TIAM2: variants seen among roughly 807,000 people sequenced by gnomAD.
TIAM2 encodes the protein TIAM Rac1 associated GEF 2.
Under a neutral mutation model 152.9 loss-of-function variants are expected in TIAM2, and 80 were observed. The ratio of observed to expected loss-of-function variants is 0.52; its 90% CI spans 0.44 to 0.63. The LOEUF is 0.63. TIAM2 is among the 30% of genes least tolerant of loss of function. The probability of loss-of-function intolerance (pLI) is 0.00; values close to 1 mark genes in which losing one functional copy is unlikely to be tolerated. For synonymous variants in TIAM2, 804 were observed against 838.0 expected (o/e 0.96, Z 0.70); for missense variants, 1,965 against 2,120.1 (o/e 0.93, Z 1.44).
Position 155,179,361 on chromosome 6 carries a change from G to T in TIAM2, c.2629-17G>T. ...TAACATGAGATCCTCTGATTTTGTT[G>T]TTTTCACCTTTTGCAGGTTTATGAT... is the stretch of plus-strand genomic sequence containing the variant. On this transcript the variant is annotated splice_polypyrimidine_tract_variant and intron_variant, in intron 11 of 26. Transcript: ENST00000682666. 2 of 1,612,748 alleles carry T rather than the reference G, an allele frequency of 1.2e-6. No individual in the cohort carries two copies. Among genetic ancestry groups the T allele is most frequent in the Non-Finnish European group, 1.7e-6 (2 of 1,179,414 alleles).
intron 1 of TIAM2, among the ~76,000 whole-genome samples, chr6:155,035,226 AT>A (rs34425957): frequency 0.58 from 79,897 of 136,822 alleles, 22,875 homozygotes; most frequent in East Asian, 0.73. Context: ...GTATCGTCCT[AT>A]TTTTTTTTTT....
At chr6:155,240,493 GC>G (rs762691634) in intron 15 of TIAM2, 36 bp from the exon 16 acceptor site, 4 of 1,572,672 alleles carry the variant, frequency 2.5e-6, no homozygotes, top group South Asian at 1.2e-5. Flanking sequence ...TCAGGGAGAG[GC>G]CCGTGCATTA....
At chr6:155,189,205 C>G (rs1781127646) in intron 14 of TIAM2, among the ~76,000 whole-genome samples, 2 of 152,146 alleles carry the variant, frequency 1.3e-5, no homozygotes, top group African/African-American at 4.8e-5. Context: ...ATTTTGGCTT[C>G]CATAGCCTGT....
At position 155,141,022 on chromosome 6, in the gene TIAM2, C is replaced by T. The variant is rs889749011; in HGVS notation, c.1630+3410C>T. Among the ~76,000 whole-genome samples the T allele has an allele frequency of 7.2e-5, 11 of 152,130 alleles. 1 individual carries two copies. Among genetic ancestry groups the T allele is most frequent in the Admixed American group, 2.6e-4 (4 of 15,276 alleles). ...CTGTATTTTATCCCAAAAGGTAGAC[C>T]AGGAACTTCTGGCTACCAACTTCAG... On this transcript the variant is annotated intron_variant, in intron 5 of 26. Transcript: ENST00000682666.
intron 14 of TIAM2, 118 bp downstream of exon 14, chr6:155,183,618 T>A: frequency 3.2e-6 from 4 of 1,256,714 alleles, no homozygotes; most frequent in Non-Finnish European, 4.3e-6. Flanking sequence ...TTTTCTAATT[T>A]ATTAGAAGAA....
chr6:155,149,688 C>T (rs537151916), intron 7 of TIAM2, among the ~76,000 whole-genome samples: 9 of 152,070 alleles, frequency 5.9e-5, no homozygotes, highest in East Asian at 3.9e-4. Flanking sequence ...TTTGGGAGGC[C>T]GAGGTGGGCA....
intron 1 of TIAM2, among the ~76,000 whole-genome samples, chr6:155,016,966 C>T (rs1453344057): frequency 2.0e-5 from 3 of 152,158 alleles, no homozygotes; most frequent in Non-Finnish European, 4.4e-5. Flanking sequence ...ATCACCTGAG[C>T]ATGAAGGGGC....
At chr6:155,115,080 G>A (rs938704957) in intron 2 of TIAM2, among the ~76,000 whole-genome samples, 1 of 150,756 alleles carries the variant, frequency 6.6e-6, no homozygotes, top group Non-Finnish European at 1.5e-5. Context: ...CACCTGCCTC[G>A]GACTCCCAAA....
intron 7 of TIAM2, among the ~76,000 whole-genome samples, chr6:155,163,251 AG>A (rs1780322567): frequency 1.3e-5 from 2 of 152,214 alleles, no homozygotes; most frequent in Non-Finnish European, 2.9e-5. Flanking sequence ...GTTCACTTAC[AG>A]ACCTTCTCTT....
intron 2 of TIAM2, among the ~76,000 whole-genome samples, chr6:155,099,220 ATGTGTG>A (rs34269926): frequency 0.18 from 26,713 of 147,878 alleles, 2,910 homozygotes; most frequent in South Asian, 0.42. Context: ...GTATATATAT[ATGTGTG>A]TGTGTGTGTG....
At chr6:155,133,294 C>G (rs1386159147) in intron 4 of TIAM2, among the ~76,000 whole-genome samples, 2 of 152,176 alleles carry the variant, frequency 1.3e-5, no homozygotes, top group Admixed American at 1.3e-4. Context: ...TTGCAGTGAG[C>G]TGAGATCACG....
At chr6:155,163,009 G>A (rs1015703412) in intron 7 of TIAM2, among the ~76,000 whole-genome samples, 1 of 152,146 alleles carries the variant, frequency 6.6e-6, no homozygotes, top group African/African-American at 2.4e-5. Context: ...AAAAGGTCTG[G>A]GGAATGCCCA....
intron 1 of TIAM2, among the ~76,000 whole-genome samples, chr6:155,063,871 T>C (rs1268692929): frequency 6.8e-6 from 1 of 148,120 alleles, no homozygotes; most frequent in African/African-American, 2.5e-5. Flanking sequence ...AAATAAACAA[T>C]GTGCATGTGG....
Position 155,174,179 on chromosome 6 carries a change from AC to A in TIAM2, c.2362-2634del, listed in dbSNP as rs1780705143. ...GTGAACCAGCTCATCCCAGACTTCCACCCTTCAGATCCCCGGAGTACCATAG... is the reference window on the plus strand; with the variant it reads ...GTGAACCAGCTCATCCCAGACTTCCACCTTCAGATCCCCGGAGTACCATAG... On this transcript the variant is annotated intron_variant, in intron 9 of 26. Coordinates refer to ENST00000682666, the MANE Select transcript of TIAM2 (RefSeq NM_012454.4). The surrounding 1 kb of genome is among the most constrained non-coding windows in gnomAD (Gnocchi z 4.2). Among the ~76,000 whole-genome samples the A allele has an allele frequency of 1.3e-5, 2 of 152,112 alleles. No homozygotes were observed. Among genetic ancestry groups the A allele is most frequent in the African/African-American group, 4.8e-5 (2 of 41,414 alleles).
intron 1 of TIAM2, among the ~76,000 whole-genome samples, chr6:155,028,244 G>A (rs866288250): frequency 1.3e-4 from 13 of 98,702 alleles, no homozygotes; most frequent in Non-Finnish European, 2.0e-4. Flanking sequence ...TATAATATAT[G>A]TACTGTGTTA....
At chr6:155,190,809 G>A (rs933262335) in intron 14 of TIAM2, among the ~76,000 whole-genome samples, 1 of 151,666 alleles carries the variant, frequency 6.6e-6, no homozygotes, top group Admixed American at 6.6e-5. Flanking sequence ...CTGAGAAGAG[G>A]AAACTTTACA....
chr6:154,998,423 A>G (rs1485397066), intron 1 of TIAM2, among the ~76,000 whole-genome samples: 1 of 152,210 alleles, frequency 6.6e-6, no homozygotes, highest in African/African-American at 2.4e-5. Context: ...AGTATTTAAT[A>G]TCACAGTTTT....
chr6:155,037,487 A>C (rs77510038), intron 1 of TIAM2, among the ~76,000 whole-genome samples: 2,129 of 152,218 alleles, frequency 0.014, 35 homozygotes, highest in East Asian at 0.057. Flanking sequence ...GTTGCAGGTC[A>C]GCATGAATAG....
At chr6:155,232,311 A>G (rs1195682267) in intron 15 of TIAM2, among the ~76,000 whole-genome samples, 1 of 152,014 alleles carries the variant, frequency 6.6e-6, no homozygotes, top group Non-Finnish European at 1.5e-5. Flanking sequence ...TTCTGACTTA[A>G]TGAATTTGCT....
Sources: gnomAD v4.1 joint callset for allele counts (sites outside exome capture counted in the v4.1 genomes callset) on GRCh38, gnomAD v4.1.1 for gene constraint, Gnocchi (gnomAD v3.1) non-coding constraint, MANE v1.5 for transcripts, NCBI Gene and HGNC (gene_info 2026-07-23, HGNC 2026-07-21) for gene names.